The following SEM1 variants were observed in gnomAD, a reference collection of about 807,000 sequenced individuals.
SEM1 encodes 26S proteasome complex subunit SEM1.
Under a neutral mutation model 12.7 loss-of-function variants are expected in SEM1, and 3 were observed. The observed-to-expected ratio is 0.24, with a 90% CI of 0.11 to 0.61. The LOEUF (loss-of-function observed/expected upper bound fraction) is 0.61, where lower values mean the gene tolerates loss of function less well. Among genes scored for constraint, SEM1 ranks in the 20% least tolerant of loss-of-function variants. The pLI, the probability that SEM1 is intolerant of heterozygous loss-of-function variation, is 0.88. For synonymous variants in SEM1, 30 were observed against 27.8 expected (o/e 1.08, Z -0.25); for missense variants, 59 against 81.3 (o/e 0.73, Z 1.06).
intron 2 of SEM1, among the ~76,000 whole-genome samples, chr7:96,514,308 G>A (rs1195795952): frequency 6.6e-6 from 1 of 151,988 alleles, no homozygotes; most frequent in African/African-American, 2.4e-5. Flanking sequence ...TGAACTCCTG[G>A]GTTAAGCAAT....
intron 2 of SEM1, among the ~76,000 whole-genome samples, chr7:96,522,732 C>CA (rs34796190): frequency 1.1e-3 from 148 of 129,576 alleles, no homozygotes; most frequent in East Asian, 1.0e-3. Context: ...ACCCCCCCCC[C>CA]AAAAAAAAAT....
At chr7:96,521,624 AT>A (rs1804273455) in intron 2 of SEM1, among the ~76,000 whole-genome samples, 2 of 152,096 alleles carry the variant, frequency 1.3e-5, no homozygotes, top group African/African-American at 4.8e-5. Context: ...CAACTGCGTA[AT>A]GGGGCCTCAA....
At chr7:96,626,280 T>G (rs1412249476) in intron 2 of SEM1, among the ~76,000 whole-genome samples, 1 of 152,120 alleles carries the variant, frequency 6.6e-6, no homozygotes, top group Non-Finnish European at 1.5e-5. Context: ...GAAAAGTTTG[T>G]TTTTTTGTGC....
At chr7:96,610,786 A>C (rs1807516064) in intron 2 of SEM1, among the ~76,000 whole-genome samples, 2 of 152,226 alleles carry the variant, frequency 1.3e-5, no homozygotes, top group Non-Finnish European at 2.9e-5. Flanking sequence ...AGATTCAAAA[A>C]TGTTCACAGC....
chr7:96,518,547 C>T (rs1804169403), intron 2 of SEM1, among the ~76,000 whole-genome samples: 1 of 152,108 alleles, frequency 6.6e-6, no homozygotes, highest in Admixed American at 6.6e-5. Flanking sequence ...TCTCTAATTA[C>T]TGGAGTTGGG....
At chr7:96,531,102 G>A (rs1245849068) in intron 2 of SEM1, among the ~76,000 whole-genome samples, 1 of 152,076 alleles carries the variant, frequency 6.6e-6, no homozygotes, top group African/African-American at 2.4e-5. Flanking sequence ...AGTCATGTTG[G>A]AGATATTATT....
At chr7:96,666,637 ATTTT>A (rs201188530) in intron 2 of SEM1, among the ~76,000 whole-genome samples, 4 of 134,504 alleles carry the variant, frequency 3.0e-5, no homozygotes, top group Non-Finnish European at 4.8e-5. Context: ...ATTGAATCCA[ATTTT>A]TTTTTTTTTT....
At chr7:96,557,123 T>G (rs1290377807) in intron 2 of SEM1, among the ~76,000 whole-genome samples, 2 of 150,034 alleles carry the variant, frequency 1.3e-5, no homozygotes, top group East Asian at 2.0e-4. Context: ...CAACTTCTTT[T>G]CCTTTGGTTT....
In SEM1 at chr7:96,567,683, A is replaced by G. The variant is rs1805886297; in HGVS notation, c.171-60985T>C. On this transcript the variant is annotated intron_variant and NMD_transcript_variant, in intron 2 of 3. Transcript: ENST00000466986. ...ATATCTATTTATTATTTTTTTATCAAGAGTCTTTTAAAACCAACAATGGAT... is the reference window on the plus strand; with the variant it reads ...ATATCTATTTATTATTTTTTTATCAGGAGTCTTTTAAAACCAACAATGGAT... Among the ~76,000 whole-genome samples, 5 of 151,626 alleles carry G rather than the reference A, an allele frequency of 3.3e-5. No homozygotes were observed. In the South Asian group the frequency reaches 1.0e-3, roughly 31 times the overall value.
chr7:96,699,927 T>TG (rs35620512), intron 1 of SEM1, among the ~76,000 whole-genome samples: 2 of 151,810 alleles, frequency 1.3e-5, no homozygotes, highest in East Asian at 3.9e-4. Flanking sequence ...TTCTCTCCCT[T>TG]AACTACTACT....
chr7:96,709,834 C>A lies in SEM1; in HGVS notation c.-71G>T. The stretch of plus-strand genomic sequence containing the variant: ...GAACCCTCACTCTTCCTCAAGGAAA[C>A]GCCACCGTCACTACCGCCTCCGACG... On this transcript the variant is annotated 5_prime_UTR_variant, in exon 1 of 3. Transcript: ENST00000248566. 1.4e-6 allele frequency: 2 copies of A among 1,448,202 alleles called. No individual in the cohort carries two copies. The highest frequency in any genetic ancestry group is 1.9e-6 in the Non-Finnish European group (2 of 1,032,964). 89.7% of individuals were successfully genotyped at this position (1,448,202 alleles called of 1,614,324 possible). A position where few individuals can be genotyped will look rare whatever the true frequency, so the allele number is the denominator to read the frequency against.
intron 2 of SEM1, among the ~76,000 whole-genome samples, chr7:96,514,586 A>G (rs902734677): frequency 3.3e-5 from 5 of 152,132 alleles, no homozygotes; most frequent in African/African-American, 1.2e-4. Context: ...AGGTTAATAT[A>G]CAAGTCAGTC....
intron 2 of SEM1, among the ~76,000 whole-genome samples, chr7:96,598,394 ATT>A (rs67429460): frequency 0.01 from 1,480 of 144,842 alleles, 13 homozygotes; most frequent in African/African-American, 0.027. Flanking sequence ...TCAGACTTGG[ATT>A]TTTTTTTTTT....
chr7:96,652,319 G>GT (rs1470635108), intron 2 of SEM1, among the ~76,000 whole-genome samples: 1 of 151,832 alleles, frequency 6.6e-6, no homozygotes, highest in Non-Finnish European at 1.5e-5. Context: ...ATGAGAGTGT[G>GT]TTTTTCCCAC....
At chr7:96,675,233 G>C (rs1477133278) in intron 2 of SEM1, among the ~76,000 whole-genome samples, 1 of 151,988 alleles carries the variant, frequency 6.6e-6, no homozygotes, top group East Asian at 1.9e-4. Flanking sequence ...ACACAGTATG[G>C]GGCAAACTAC....
At chr7:96,635,669 A>C (rs10257061) in intron 2 of SEM1, among the ~76,000 whole-genome samples, 3,142 of 152,288 alleles carry the variant, frequency 0.021, 105 homozygotes, top group African/African-American at 0.072. Flanking sequence ...GCTTGAAAAG[A>C]GCAATCTTGG....
chr7:96,510,267 A>G (rs957360270), intron 2 of SEM1, among the ~76,000 whole-genome samples: 1 of 152,144 alleles, frequency 6.6e-6, no homozygotes, highest in African/African-American at 2.4e-5. Context: ...ATGTTCTGAG[A>G]AATGCAATGT....
At chr7:96,647,342 T>A (rs1216608836) in intron 2 of SEM1, 1 of 152,180 alleles carries the variant, frequency 6.6e-6, no homozygotes, top group African/African-American at 2.4e-5. Flanking sequence ...ATATAAGCAA[T>A]CAATAAATCT....
At chr7:96,512,396 G>A (rs1169855085) in intron 2 of SEM1, among the ~76,000 whole-genome samples, 1 of 152,058 alleles carries the variant, frequency 6.6e-6, no homozygotes, top group Non-Finnish European at 1.5e-5. Context: ...AAGTACACAC[G>A]AACTACTAAG....
Sources: allele counts gnomAD v4.1 joint callset (sites outside exome capture counted in the v4.1 genomes callset), GRCh38; gene constraint gnomAD v4.1.1; transcripts MANE v1.5; gene names NCBI Gene and HGNC (gene_info 2026-07-23, HGNC 2026-07-21).